Variants in RFX3 observed in about 807,000 individuals in gnomAD.
RFX3 encodes transcription factor RFX3.
A neutral mutation model predicts 98.6 loss-of-function variants in RFX3; 14 were observed. The ratio of observed to expected loss-of-function variants is 0.14; its 90% CI spans 0.09 to 0.22. The LOEUF (loss-of-function observed/expected upper bound fraction) is 0.22, where lower values mean the gene tolerates loss of function less well. RFX3 is among the 10% of genes least tolerant of loss of function. The probability of loss-of-function intolerance (pLI) is 1.00; values close to 1 mark genes in which losing one functional copy is unlikely to be tolerated. For synonymous variants in RFX3, 383 were observed against 328.4 expected, an observed-to-expected ratio of 1.17 and a Z score of -1.80; for missense variants, 639 against 926.9, an observed-to-expected ratio of 0.69 and a Z score of 4.03.
At chr9:3,338,236 CTT>C (rs1391870319) in intron 3 of RFX3, among the ~76,000 whole-genome samples, 3 of 152,188 alleles carry the variant, frequency 2.0e-5, no homozygotes, top group Non-Finnish European at 4.4e-5. Context: ...TTTGCTTTCA[CTT>C]ATATTCAAAA....
chr9:3,445,965 G>A (rs766434684), intron 1 of RFX3, among the ~76,000 whole-genome samples: 4 of 152,022 alleles, frequency 2.6e-5, no homozygotes, highest in Non-Finnish European at 5.9e-5. Context: ...ACATTTAGAT[G>A]TACCTCCTTT....
chr9:3,289,993 C>T (rs1421368959), intron 6 of RFX3, among the ~76,000 whole-genome samples: 3 of 151,650 alleles, frequency 2.0e-5, no homozygotes, highest in Non-Finnish European at 4.4e-5. Flanking sequence ...TCCATCTGTT[C>T]CTTGGATTAG....
chr9:3,516,632 T>C (rs1048876637), intron 1 of RFX3, among the ~76,000 whole-genome samples: 3 of 152,128 alleles, frequency 2.0e-5, no homozygotes, highest in African/African-American at 7.2e-5. Flanking sequence ...GCTTCAATAA[T>C]TGGGGAAGAA....
rs1825573978 is a variant in RFX3 at position 3,278,881 on chromosome 9, T to A, written c.852-1420A>T. Among the ~76,000 whole-genome samples the A allele has an allele frequency of 2.0e-5, 3 of 151,856 alleles. No homozygotes were observed. In the South Asian group the frequency reaches 6.2e-4, roughly 31 times the overall value. ...CACTCTTCATCCTCATGAATATAAT[T>A]TTAGTGATGACTCCTCATTACAAAA... On this transcript the variant is annotated intron_variant, in intron 7 of 16. Transcript: ENST00000617270.
chr9:3,255,002 T>G (rs935447346), intron 14 of RFX3, among the ~76,000 whole-genome samples: 1 of 152,182 alleles, frequency 6.6e-6, no homozygotes, highest in African/African-American at 2.4e-5. Context: ...ATTGTACCAC[T>G]GCAAAAACAA....
intron 1 of RFX3, among the ~76,000 whole-genome samples, chr9:3,464,603 C>G (rs74757893): frequency 0.042 from 6,386 of 152,096 alleles, 458 homozygotes; most frequent in African/African-American, 0.15. Context: ...TTGCCAGGAG[C>G]AATGAGATGG....
At chr9:3,485,074 C>T (rs1850143825) in intron 1 of RFX3, among the ~76,000 whole-genome samples, 2 of 152,072 alleles carry the variant, frequency 1.3e-5, no homozygotes, top group Non-Finnish European at 2.9e-5. Context: ...ACGGTATCAC[C>T]GCACTCCAGT....
rs569535693 is a variant in RFX3 at position 3,270,324 on chromosome 9, G to C, written c.1357+47C>G. On this transcript the variant is annotated intron_variant, in intron 11 of 16. Transcript: ENST00000617270. ...GTCACTTCTCAAAACTTCCTGGGTG[G>C]AATGTATGAGAACAAAAGCATCCGT... 86 of 1,547,124 alleles carry C rather than the reference G, an allele frequency of 5.6e-5. 1 individual carries two copies. The South Asian group carries it at 9.6e-4, about 17-fold the overall frequency.
intron 6 of RFX3, among the ~76,000 whole-genome samples, chr9:3,291,390 A>AAAAC (rs944758764): frequency 4.3e-5 from 6 of 139,870 alleles, no homozygotes; most frequent in African/African-American, 1.9e-4. Context: ...AAACAAAAAC[A>AAAAC]AAAACAAAAC....
chr9:3,467,385 A>G (rs1044929357), intron 1 of RFX3, among the ~76,000 whole-genome samples: 2 of 150,492 alleles, frequency 1.3e-5, no homozygotes, highest in African/African-American at 4.9e-5. Flanking sequence ...CTTTCAAGGC[A>G]TCAGGGTTTT....
At chr9:3,434,602 G>T (rs1844952267) in intron 1 of RFX3, among the ~76,000 whole-genome samples, 1 of 151,948 alleles carries the variant, frequency 6.6e-6, no homozygotes, top group Admixed American at 6.6e-5. Context: ...TTCCTTAATA[G>T]GAACATCCTT....
At chr9:3,380,917 C>T (rs1839123153) in intron 2 of RFX3, among the ~76,000 whole-genome samples, 1 of 152,132 alleles carries the variant, frequency 6.6e-6, no homozygotes, top group Admixed American at 6.6e-5. Context: ...ACACTAGCTT[C>T]TCTAGATCAC....
At chr9:3,298,232 A>C (rs1348396291) in intron 5 of RFX3, among the ~76,000 whole-genome samples, 1 of 151,870 alleles carries the variant, frequency 6.6e-6, no homozygotes, top group Non-Finnish European at 1.5e-5. Flanking sequence ...AGAGGAAAAA[A>C]AGAGTTATTT....
At chr9:3,340,806 A>G (rs185348871) in intron 3 of RFX3, among the ~76,000 whole-genome samples, 352 of 152,296 alleles carry the variant, frequency 2.3e-3, no homozygotes, top group African/African-American at 8.2e-3. Context: ...TCTGTTGGTG[A>G]GACTGTAAAC....
At chr9:3,397,448 C>G (rs1030689750) in intron 1 of RFX3, among the ~76,000 whole-genome samples, 1 of 152,200 alleles carries the variant, frequency 6.6e-6, no homozygotes, top group Non-Finnish European at 1.5e-5. Flanking sequence ...ATTAACCCCT[C>G]TTGGCATCTG....
rs191963978 is a variant in RFX3, at chr9:3,487,242, G to C, written c.-9+38505C>G. Reference sequence around the variant, plus strand: ...GTACTTAATTAAATACCAGGCTTGGGGTTATGAAATTCAAGCAATATTTTA... The same window carrying C: ...GTACTTAATTAAATACCAGGCTTGGCGTTATGAAATTCAAGCAATATTTTA... On this transcript the variant is annotated intron_variant, in intron 1 of 16. Coordinates refer to ENST00000617270, the MANE Select transcript of RFX3 (RefSeq NM_001282116.2). Among the ~76,000 whole-genome samples, 12 of 152,078 alleles carry C rather than the reference G, an allele frequency of 7.9e-5. No individual in the cohort carries two copies. The East Asian group carries it at 1.7e-3, about 22-fold the overall frequency.
intron 4 of RFX3, among the ~76,000 whole-genome samples, chr9:3,318,913 T>C (rs888421070): frequency 1.4e-4 from 21 of 152,312 alleles, no homozygotes; most frequent in Non-Finnish European, 2.1e-4. Context: ...TTGGACTTCT[T>C]TGATTATTCT....
Position 3,262,994 on chromosome 9 carries a change from T to G in RFX3, c.1546A>C (p.Thr516Pro). The change falls in exon 13 of 17, where the codon ACT becomes CCT. Residue 516 changes from threonine to proline, a missense_variant. Thr to Pro is a conservative substitution (Grantham distance 38). Around this residue, in one of 9 missense-constraint regions of RFX3, gnomAD observed 138 missense variants for 308.9 expected, o/e 0.45. Transcript: ENST00000617270. Reference protein sequence around the residue: ...AQAARAVLQNTSQINQMLSDL... With the variant: ...AQAARAVLQNPSQINQMLSDL... ...CTAAGCATCTGGTTGATTTGGGAAGTGTTCTGAAGCACTGCACGAGCTGCC... is the reference window on the plus strand; with the variant it reads ...CTAAGCATCTGGTTGATTTGGGAAGGGTTCTGAAGCACTGCACGAGCTGCC... 6.2e-7 allele frequency: 1 copy of G among 1,613,832 alleles called. No homozygotes were observed. Among genetic ancestry groups the G allele is most frequent in the South Asian group, 1.1e-5 (1 of 91,076 alleles).
chr9:3,403,035 T>C (rs915404475), intron 1 of RFX3, among the ~76,000 whole-genome samples: 15 of 152,086 alleles, frequency 9.9e-5, no homozygotes, highest in Non-Finnish European at 1.8e-4. Flanking sequence ...TTTAAACATA[T>C]GTTTAGTCAC....
Sources: gnomAD v4.1 joint callset for allele counts (sites outside exome capture counted in the v4.1 genomes callset) on GRCh38, gnomAD v4.1.1 for gene constraint, gnomAD v4.1.1 regional missense constraint, MANE v1.5 for transcripts, NCBI Gene and HGNC (gene_info 2026-07-23, HGNC 2026-07-21) for gene names.